GRIK2: variants seen among roughly 807,000 people sequenced by gnomAD.
GRIK2 encodes glutamate ionotropic receptor kainate type subunit 2.
In GRIK2, 32 loss-of-function variants were observed where a neutral mutation model predicts 100.3. The ratio of observed to expected loss-of-function variants is 0.32; its 90% CI spans 0.24 to 0.43. The LOEUF is 0.43. GRIK2 is among the 20% of genes least tolerant of loss of function. The pLI is 1.00. For missense variants in GRIK2, 843 were observed against 1,114.9 expected (o/e 0.76, Z 3.47); for synonymous variants, 417 against 389.4 (o/e 1.07, Z -0.83).
chr6:101,888,706 A>G (rs1240451170), intron 11 of GRIK2, among the ~76,000 whole-genome samples: 2 of 152,162 alleles, frequency 1.3e-5, no homozygotes, highest in Non-Finnish European at 2.9e-5. Flanking sequence ...CTGAGACAAG[A>G]AAACATGGAG....
chr6:101,892,181 A>G (rs1562468815), intron 12 of GRIK2, among the ~76,000 whole-genome samples: 1 of 152,170 alleles, frequency 6.6e-6, no homozygotes, highest in African/African-American at 2.4e-5. Flanking sequence ...TAGGTCTAAC[A>G]GTACTTTTCT....
At chr6:101,566,292 T>G (rs1294330392) in intron 2 of GRIK2, among the ~76,000 whole-genome samples, 1 of 152,012 alleles carries the variant, frequency 6.6e-6, no homozygotes, top group Non-Finnish European at 1.5e-5. Flanking sequence ...TTTGAAATCT[T>G]AAGTTTGATC....
At chr6:101,928,305 G>A in intron 13 of GRIK2, 110 bp from the exon 14 acceptor site, 1 of 656,040 alleles carries the variant, frequency 1.5e-6, no homozygotes, top group Non-Finnish European at 2.7e-6. Flanking sequence ...GTAAATCTTT[G>A]ATTTAAGCTT....
intron 7 of GRIK2, among the ~76,000 whole-genome samples, chr6:101,731,392 T>C (rs369589789): frequency 3.7e-4 from 56 of 152,030 alleles, no homozygotes; most frequent in African/African-American, 1.3e-3. Flanking sequence ...TTCATTATAA[T>C]TGGGAAAATA....
intron 9 of GRIK2, 84 bp from the exon 10 acceptor site, chr6:101,818,286 T>G: frequency 1.4e-6 from 1 of 728,880 alleles, no homozygotes; most frequent in East Asian, 2.7e-5. Context: ...GAATAATAAG[T>G]GTTAGCAATC....
At chr6:101,552,613 T>C (rs1776562520) in intron 2 of GRIK2, among the ~76,000 whole-genome samples, 1 of 152,192 alleles carries the variant, frequency 6.6e-6, no homozygotes, top group Non-Finnish European at 1.5e-5. Context: ...GTGGGAAATA[T>C]CAGTGTGTGC....
intron 2 of GRIK2, among the ~76,000 whole-genome samples, chr6:101,524,300 A>G (rs1006326258): frequency 6.6e-6 from 1 of 152,092 alleles, no homozygotes; most frequent in East Asian, 1.9e-4. Context: ...CTTTTGCCTA[A>G]AACCACTGGT....
At chr6:101,675,788 T>A (rs1368645319) in intron 4 of GRIK2, among the ~76,000 whole-genome samples, 1 of 152,204 alleles carries the variant, frequency 6.6e-6, no homozygotes, top group African/African-American at 2.4e-5. Flanking sequence ...TATTTACTTT[T>A]TAATTTAATG....
At chr6:101,849,329 A>G (rs1320888972) in intron 10 of GRIK2, among the ~76,000 whole-genome samples, 1 of 152,066 alleles carries the variant, frequency 6.6e-6, no homozygotes, top group Non-Finnish European at 1.5e-5. Context: ...AATACCTTTC[A>G]TCCTTAATCT....
chr6:101,650,049 T>A (rs988029874), intron 4 of GRIK2, among the ~76,000 whole-genome samples: 1 of 151,826 alleles, frequency 6.6e-6, no homozygotes, highest in Non-Finnish European at 1.5e-5. Flanking sequence ...TCCTGGGGAG[T>A]CCAGACAAAT....
chr6:101,484,568 C>CAT (rs1554206989), intron 2 of GRIK2, among the ~76,000 whole-genome samples: 14 of 148,114 alleles, frequency 9.5e-5, no homozygotes, highest in East Asian at 2.0e-4. Context: ...CACACACACA[C>CAT]ATATATATGG....
intron 4 of GRIK2, among the ~76,000 whole-genome samples, chr6:101,659,981 G>A (rs907167320): frequency 6.6e-6 from 1 of 152,014 alleles, no homozygotes; most frequent in Admixed American, 6.6e-5. Context: ...GTATCTTTGT[G>A]GTGTTCTCTG....
At chr6:101,907,856 T>G (rs923219584) in intron 12 of GRIK2, among the ~76,000 whole-genome samples, 1 of 151,690 alleles carries the variant, frequency 6.6e-6, no homozygotes, top group African/African-American at 2.4e-5. Context: ...GTTTTTCACT[T>G]ATTTCCTCAT....
intron 2 of GRIK2, among the ~76,000 whole-genome samples, chr6:101,563,883 AAC>A (rs760866999): frequency 7.2e-5 from 11 of 151,814 alleles, no homozygotes; most frequent in Non-Finnish European, 1.6e-4. Flanking sequence ...TTATGGGAAA[AAC>A]AAAAAAAAAT....
intron 14 of GRIK2, among the ~76,000 whole-genome samples, chr6:101,956,246 A>G (rs1791930443): frequency 6.6e-6 from 1 of 152,056 alleles, no homozygotes. Flanking sequence ...CTTATGACTA[A>G]GTCCTCATTT....
At chr6:101,654,284 C>T (rs1423096025) in intron 4 of GRIK2, among the ~76,000 whole-genome samples, 1 of 152,008 alleles carries the variant, frequency 6.6e-6, no homozygotes, top group Non-Finnish European at 1.5e-5. Flanking sequence ...CAACTGGGAT[C>T]GTGATGTTTG....
chr6:101,421,118 G>A (rs1426758893), intron 2 of GRIK2, among the ~76,000 whole-genome samples: 1 of 152,148 alleles, frequency 6.6e-6, no homozygotes, highest in Non-Finnish European at 1.5e-5. Flanking sequence ...AGTACACTAA[G>A]TCCACTTCTC....
chr6:101,900,507 A>G (rs921147162), intron 12 of GRIK2, among the ~76,000 whole-genome samples: 15 of 152,192 alleles, frequency 9.9e-5, no homozygotes, highest in African/African-American at 3.6e-4. Context: ...AGTTGAAAAC[A>G]AAAGTAATAC....
intron 14 of GRIK2, among the ~76,000 whole-genome samples, chr6:102,009,451 G>A (rs1422589356): frequency 1.3e-5 from 2 of 151,974 alleles, no homozygotes; most frequent in Admixed American, 6.5e-5. Context: ...TATGACTTCC[G>A]TTAAGGTTCT....
Sources: gnomAD v4.1 joint callset for allele counts (sites outside exome capture counted in the v4.1 genomes callset) on GRCh38, gnomAD v4.1.1 for gene constraint, MANE v1.5 for transcripts, NCBI Gene and HGNC (gene_info 2026-07-23, HGNC 2026-07-21) for gene names.